Variants in CUX1 observed in about 807,000 individuals in gnomAD.
CUX1 encodes the protein cut like homeobox 1.
Under a neutral mutation model 158.8 loss-of-function variants are expected in CUX1, and 31 were observed. The ratio of observed to expected loss-of-function variants is 0.20; its 90% CI spans 0.15 to 0.26. The LOEUF is 0.26. CUX1 is among the 10% of genes least tolerant of loss of function. CUX1 has a pLI of 1.00. For synonymous variants in CUX1, 879 were observed against 862.1 expected (o/e 1.02, Z -0.34); for missense variants, 1,589 against 2,014.6 (o/e 0.79, Z 4.04).
intron 9 of CUX1, among the ~76,000 whole-genome samples, chr7:102,164,740 A>T (rs6976947): frequency 6.6e-6 from 1 of 151,978 alleles, no homozygotes; most frequent in Admixed American, 6.6e-5. Context: ...CGAGATGTTC[A>T]CTGTAATTGC....
chr7:101,913,503 A>G, intron 1 of CUX1: 1 of 969,302 alleles, frequency 1.0e-6, no homozygotes, highest in Middle Eastern at 2.7e-4. Flanking sequence ...GCTCTCTGAC[A>G]GATCAGCCCA....
chr7:102,176,290 G>A (rs1380712304), intron 10 of CUX1, among the ~76,000 whole-genome samples: 1 of 152,156 alleles, frequency 6.6e-6, no homozygotes, highest in Non-Finnish European at 1.5e-5. Flanking sequence ...CGGTGCATGG[G>A]ATGGCCCAGC....
chr7:102,222,773 C>G (rs1797933089), intron 20 of CUX1, among the ~76,000 whole-genome samples: 1 of 142,760 alleles, frequency 7.0e-6, no homozygotes, highest in Non-Finnish European at 1.5e-5. Context: ...TATGGCCCAT[C>G]CACCTAGCTC....
At chr7:102,136,864 C>T (rs1177135533) in intron 8 of CUX1, among the ~76,000 whole-genome samples, 1 of 152,142 alleles carries the variant, frequency 6.6e-6, no homozygotes, top group African/African-American at 2.4e-5. Context: ...TCTGTGTTTA[C>T]CTCTGTTGTA....
rs201964614 is a variant in CUX1, at chr7:102,202,002, G to T, written c.2705G>T (p.Arg902Leu). 3.7e-6 allele frequency: 6 copies of T among 1,613,980 alleles called. No homozygotes were observed. Among genetic ancestry groups the T allele is most frequent in the South Asian group, 3.3e-5 (3 of 91,058 alleles). ...SSELSLTGASRSETPQNSPLP... is the reference protein window; with the variant it reads ...SSELSLTGASLSETPQNSPLP... ...GAGCTGAGTCTGACCGGGGCCAGCCGCAGCGAGACACCACAGAACAGCCCC... is the reference window on the plus strand; with the variant it reads ...GAGCTGAGTCTGACCGGGGCCAGCCTCAGCGAGACACCACAGAACAGCCCC... The change falls in exon 18 of 24, where the codon CGC becomes CTC. Residue 902 changes from arginine to leucine, a missense_variant. Arg to Leu is a moderately radical substitution (Grantham distance 102). Coordinates refer to ENST00000292535, the MANE Select transcript of CUX1 (RefSeq NM_181552.4).
chr7:102,133,400 G>A (rs1259189782), intron 8 of CUX1, among the ~76,000 whole-genome samples: 1 of 151,766 alleles, frequency 6.6e-6, no homozygotes, highest in Admixed American at 6.6e-5. Flanking sequence ...CATTCTAGGG[G>A]CTCTTCATGT....
At chr7:102,078,430 C>A (rs1195921766) in intron 4 of CUX1, among the ~76,000 whole-genome samples, 1 of 152,112 alleles carries the variant, frequency 6.6e-6, no homozygotes, top group Admixed American at 6.5e-5. Flanking sequence ...CTAGGCACTC[C>A]AGAACTTCTG....
chr7:102,049,866 T>C (rs1385943912), intron 3 of CUX1, among the ~76,000 whole-genome samples: 1 of 152,068 alleles, frequency 6.6e-6, no homozygotes, highest in Non-Finnish European at 1.5e-5. Flanking sequence ...GGCCCTGAGA[T>C]GTGGGACCAG....
intron 1 of CUX1, among the ~76,000 whole-genome samples, chr7:101,910,939 T>C (rs766868031): frequency 3.9e-5 from 6 of 152,224 alleles, no homozygotes; most frequent in Non-Finnish European, 8.8e-5. Flanking sequence ...AAACTTAAAA[T>C]GTTAGGAGCT....
intron 3 of CUX1, among the ~76,000 whole-genome samples, chr7:102,054,385 G>A (rs1433883586): frequency 2.0e-5 from 3 of 152,110 alleles, no homozygotes; most frequent in Non-Finnish European, 4.4e-5. Flanking sequence ...TGGATATCTG[G>A]TCGTCCCAGC....
chr7:102,282,409 T>G (rs1554549578), intron 21 of CUX1, among the ~76,000 whole-genome samples: 1 of 152,134 alleles, frequency 6.6e-6, no homozygotes, highest in Non-Finnish European at 1.5e-5. Context: ...TGGGGACTCC[T>G]GTCCCCCGCA....
chr7:102,201,415 C>A lies in CUX1; in HGVS notation c.2118C>A (p.Ile706=). The change falls in exon 18 of 24, where the codon ATC becomes ATA. Residue 706 remains isoleucine, a synonymous_variant. Coordinates refer to ENST00000292535, the MANE Select transcript of CUX1 (RefSeq NM_181552.4). The surrounding 1 kb of genome is among the most constrained non-coding windows in gnomAD (Gnocchi z 5.0). ...ASGSGNSDDA[I]RSILQQARRE... ...GCAGCGGGAACTCTGATGACGCCAT[C>A]CGCTCCATCCTGCAGCAAGCCCGCC... 1.5e-5 allele frequency: 25 copies of A among 1,614,084 alleles called. No individual in the cohort carries two copies. The highest frequency in any genetic ancestry group is 2.1e-5 in the Non-Finnish European group (25 of 1,180,030).
intron 2 of CUX1, among the ~76,000 whole-genome samples, chr7:101,995,491 G>A (rs1487528298): frequency 1.3e-5 from 2 of 152,208 alleles, no homozygotes; most frequent in Admixed American, 6.5e-5. Flanking sequence ...TTCATCAAAT[G>A]TCTGCAAGGC....
rs1291154839 is a variant in CUX1, at chr7:102,254,250, C to G, written c.*5208C>G. 6.1e-6 allele frequency: 6 copies of G among 985,356 alleles called. No individual in the cohort carries two copies. In the South Asian group the frequency reaches 2.4e-4, roughly 39 times the overall value. The allele number at this position is 985,356 out of a possible 1,614,324, so 61.0% of individuals were successfully genotyped here. A position where few individuals can be genotyped will look rare whatever the true frequency, so the allele number is the denominator to read the frequency against. The stretch of plus-strand genomic sequence containing the variant: ...GCCTTCCTTTCTGTCCAGTCCTGCT[C>G]AGCTGTTAAGATCCATCATGGCCAT... On this transcript the variant is annotated 3_prime_UTR_variant, in exon 24 of 24. Transcript: ENST00000292535.
intron 20 of CUX1, among the ~76,000 whole-genome samples, chr7:102,206,841 G>A (rs1796002627): frequency 6.6e-6 from 1 of 152,196 alleles, no homozygotes; most frequent in Non-Finnish European, 1.5e-5. Flanking sequence ...GGAGGTTGCA[G>A]TGAGCTGAGA....
At chr7:101,858,637 C>G (rs966871884) in intron 1 of CUX1, among the ~76,000 whole-genome samples, 1 of 145,932 alleles carries the variant, frequency 6.9e-6, no homozygotes, top group African/African-American at 2.5e-5. Flanking sequence ...TGAGGGTATA[C>G]TTTGGCCCTT....
Position 102,028,109 on chromosome 7 carries a change from G to T in CUX1, c.153G>T (p.Lys51Asn), listed in dbSNP as rs1253387040. 1 of 1,612,262 alleles carries T rather than the reference G, an allele frequency of 6.2e-7. No individual in the cohort carries two copies. Among genetic ancestry groups the T allele is most frequent in the Non-Finnish European group, 8.5e-7 (1 of 1,180,026 alleles). Residue 51 changes from lysine (K) to asparagine (N), a missense_variant, in exon 3 of 24, where the codon AAG (lysine) becomes AAT (asparagine). By Grantham distance (94) the Lys-to-Asn change is moderately conservative (BLOSUM62 0). Coordinates refer to ENST00000292535, the MANE Select transcript of CUX1 (RefSeq NM_181552.4). ...FKKNTPEDLR[K>N]QVAPLLKSFQ... ...GCCTCCTGCTCCAGGATTTGCGCAA[G>T]CAGGTAGCGCCGCTGCTGAAGAGTT...
At chr7:101,919,215 G>T (rs749910180) in intron 2 of CUX1, among the ~76,000 whole-genome samples, 1 of 152,096 alleles carries the variant, frequency 6.6e-6, no homozygotes, top group Admixed American at 6.6e-5. Context: ...TGTGTGGGGG[G>T]GGAGCTGTGA....
intron 1 of CUX1, among the ~76,000 whole-genome samples, chr7:101,903,364 G>A (rs1802365588): frequency 6.6e-6 from 1 of 152,178 alleles, no homozygotes; most frequent in Admixed American, 6.5e-5. Context: ...CTAGGGGGCT[G>A]GCTGGGTCGG....
Sources: allele counts gnomAD v4.1 joint callset (sites outside exome capture counted in the v4.1 genomes callset), GRCh38; gene constraint gnomAD v4.1.1; non-coding constraint Gnocchi (gnomAD v3.1); transcripts MANE v1.5; gene names NCBI Gene and HGNC (gene_info 2026-07-23, HGNC 2026-07-21).